Variants in GOLGA5 observed in about 807,000 individuals in gnomAD.
GOLGA5 encodes the protein golgin subfamily A member 5.
In GOLGA5, 50 loss-of-function variants were observed where a neutral mutation model predicts 93.5. The ratio of observed to expected loss-of-function variants is 0.53; its 90% CI spans 0.43 to 0.68. GOLGA5 has a LOEUF of 0.68. GOLGA5 is among the 30% of genes least tolerant of loss of function. The pLI is 0.00. For missense variants in GOLGA5, 760 were observed against 856.4 expected, an observed-to-expected ratio of 0.89 and a Z score of 1.40; for synonymous variants, 312 against 304.5, an observed-to-expected ratio of 1.02 and a Z score of -0.26.
chr14:92,803,114 C>T (rs1214492222), intron 2 of GOLGA5, among the ~76,000 whole-genome samples: 1 of 152,118 alleles, frequency 6.6e-6, no homozygotes, highest in Admixed American at 6.6e-5. Context: ...CAGCTCACTG[C>T]AGCCTCAATC....
At chr14:92,800,556 C>T (rs1387738082) in intron 2 of GOLGA5, among the ~76,000 whole-genome samples, 1 of 152,214 alleles carries the variant, frequency 6.6e-6, no homozygotes, top group African/African-American at 2.4e-5. Context: ...CCCATTACTT[C>T]TATAATCATT....
At chr14:92,798,907 C>T (rs1188453670) in intron 2 of GOLGA5, among the ~76,000 whole-genome samples, 5 of 152,134 alleles carry the variant, frequency 3.3e-5, no homozygotes, top group Admixed American at 6.5e-5. Context: ...TAGAATGAGA[C>T]GCTGTCTCCA....
rs1229828578 is a variant in GOLGA5, at chr14:92,811,885, T to C, written c.1320+131T>C. On this transcript the variant is annotated intron_variant, in intron 6 of 12. Coordinates refer to ENST00000163416, the MANE Select transcript of GOLGA5 (RefSeq NM_005113.4). ...GATTGGCTAGCTTTAGGTGCCTTACTCTACTTTAGAAATTTTATTAAAGGA... is the reference window on the plus strand; with the variant it reads ...GATTGGCTAGCTTTAGGTGCCTTACCCTACTTTAGAAATTTTATTAAAGGA... 5 of 671,684 alleles carry C rather than the reference T, an allele frequency of 7.4e-6. No individual in the cohort carries two copies. In the Admixed American group the frequency reaches 1.1e-4, roughly 15 times the overall value. 41.6% of individuals were successfully genotyped at this position (671,684 alleles called of 1,614,324 possible).
chr14:92,798,236 G>C (rs1164484358), intron 2 of GOLGA5, among the ~76,000 whole-genome samples: 1 of 152,128 alleles, frequency 6.6e-6, no homozygotes, highest in African/African-American at 2.4e-5. Flanking sequence ...TTTCAAATTT[G>C]TTTCTCTAAG....
chr14:92,794,372 C>G lies in GOLGA5; in HGVS notation c.-115C>G, dbSNP rs975691416. ...CGGGTCGGGGAGGAGGTTTACTCAG[C>G]TTGGGCCCCCTCCGGGCCAGCCGCC... On this transcript the variant is annotated 5_prime_UTR_variant, in exon 1 of 13. Transcript: ENST00000163416. 3.9e-5 allele frequency: 6 copies of G among 152,444 alleles called. No individual in the cohort carries two copies. The highest frequency in any genetic ancestry group is 2.1e-4 in the South Asian group (1 of 4,844). The allele number at this position is 152,444 out of a possible 1,614,324, so 9.4% of individuals were successfully genotyped here.
rs998379465 is a variant in GOLGA5, at chr14:92,800,042, C to T, written c.544+2061C>T. Among the ~76,000 whole-genome samples, 24 of 152,242 alleles carry T rather than the reference C, an allele frequency of 1.6e-4. No homozygotes were observed. In the East Asian group the frequency reaches 2.9e-3, roughly 18 times the overall value. On this transcript the variant is annotated intron_variant, in intron 2 of 12. Transcript: ENST00000163416. ...AGACAAAAACTTGTATAGAAGAAGA[C>T]GTTTTGGGTTGTGAAAATAGGATCA...
intron 8 of GOLGA5, 89 bp from the exon 9 acceptor site, chr14:92,824,457 C>T (rs1445269902): frequency 1.2e-5 from 8 of 677,438 alleles, no homozygotes; most frequent in African/African-American, 3.6e-5. Flanking sequence ...TACTGATTGT[C>T]TACCATGTGC....
chr14:92,833,232 A>G lies in GOLGA5; in HGVS notation c.1830A>G (p.Thr610=). 1 of 1,613,686 alleles carries G rather than the reference A, an allele frequency of 6.2e-7. No individual in the cohort carries two copies. Among genetic ancestry groups the G allele is most frequent in the Non-Finnish European group, 8.5e-7 (1 of 1,179,540 alleles). ...AGACCATGCTGGAGAGTCTCAGCAC[A>G]GAAAAGAACTCCCTGGTCTTTCAAC... ...QKQTMLESLS[T]EKNSLVFQLE... The change falls in exon 10 of 13, where the codon ACA becomes ACG. Residue 610 remains threonine (T), a synonymous_variant. Coordinates refer to ENST00000163416, the MANE Select transcript of GOLGA5 (RefSeq NM_005113.4).
At chr14:92,836,291 T>C (rs2140338611) in intron 11 of GOLGA5, among the ~76,000 whole-genome samples, 1 of 152,342 alleles carries the variant, frequency 6.6e-6, no homozygotes, top group South Asian at 2.1e-4. Flanking sequence ...TTTTAATGAA[T>C]TGTGGCATAA....
intron 2 of GOLGA5, among the ~76,000 whole-genome samples, chr14:92,800,492 A>G (rs1023410641): frequency 6.6e-6 from 1 of 152,244 alleles, no homozygotes; most frequent in South Asian, 2.1e-4. Flanking sequence ...GCTAGCAAAC[A>G]AAGTTGGGAC....
chr14:92,833,014 G>A (rs1885561455), intron 9 of GOLGA5, 108 bp from the exon 10 acceptor site: 6 of 712,680 alleles, frequency 8.4e-6, no homozygotes, highest in South Asian at 3.3e-5. Flanking sequence ...ATAGAGTTTT[G>A]AGAAATCAAT....
chr14:92,835,136 A>G (rs983432344), intron 10 of GOLGA5, among the ~76,000 whole-genome samples: 2 of 152,088 alleles, frequency 1.3e-5, no homozygotes, highest in East Asian at 1.9e-4. Context: ...TGCCCGTTAG[A>G]TATCTGGATG....
intron 6 of GOLGA5, among the ~76,000 whole-genome samples, chr14:92,815,697 A>ATTTT (rs1402012266): frequency 7.6e-6 from 1 of 132,312 alleles, no homozygotes; most frequent in South Asian, 2.4e-4. Context: ...ATTTTTTTTA[A>ATTTT]TCTTTTTTTT....
intron 9 of GOLGA5, among the ~76,000 whole-genome samples, chr14:92,825,198 G>A (rs1036335774): frequency 6.6e-6 from 1 of 151,958 alleles, no homozygotes; most frequent in African/African-American, 2.4e-5. Flanking sequence ...TTGATTTAAT[G>A]GACTTAATAA....
chr14:92,819,596 G>A, intron 7 of GOLGA5, 112 bp from the exon 8 acceptor site: 1 of 941,306 alleles, frequency 1.1e-6, no homozygotes, highest in Admixed American at 2.1e-5. Context: ...TTGTGCCACT[G>A]CACTCCAGCC....
At position 92,809,531 on chromosome 14, in the gene GOLGA5, T is replaced by A; in HGVS notation, c.992+12T>A. 1 of 1,532,640 alleles carries A rather than the reference T, an allele frequency of 6.5e-7. No individual in the cohort carries two copies. Among genetic ancestry groups the A allele is most frequent in the Admixed American group, 1.7e-5 (1 of 59,254 alleles). The allele number at this position is 1,532,640 out of a possible 1,614,324, so 94.9% of individuals were successfully genotyped here. ...AGTGAAAAATCACGGTAGGTGATTC[T>A]ATGAATAATGAAAAAAATGAGCAAG... On this transcript the variant is annotated intron_variant, in intron 4 of 12. Coordinates refer to ENST00000163416, the MANE Select transcript of GOLGA5 (RefSeq NM_005113.4).
Position 92,812,835 on chromosome 14 carries a change from T to G in GOLGA5, c.1320+1081T>G, listed in dbSNP as rs933960955. ...AAAGAGTCAGAGTCCTCCTAAGCTC[T>G]GTCCTGAACCCTCTTTCATTGTCCT... On this transcript the variant is annotated intron_variant, in intron 6 of 12. Coordinates refer to ENST00000163416, the MANE Select transcript of GOLGA5 (RefSeq NM_005113.4). Among the ~76,000 whole-genome samples the G allele has an allele frequency of 2.0e-5, 3 of 152,324 alleles. No homozygotes were observed. In the East Asian group the frequency reaches 5.8e-4, roughly 29 times the overall value.
rs761442474 is a variant in GOLGA5 at position 92,797,611 on chromosome 14, T to G, written c.174T>G (p.Pro58=). The G allele has an allele frequency of 6.2e-7, 1 of 1,613,250 alleles. No individual in the cohort carries two copies. Among genetic ancestry groups the G allele is most frequent in the East Asian group, 2.2e-5 (1 of 44,884 alleles). Reference sequence around the variant, plus strand: ...CAGATTTGATATATCAGACTGGACCTAAATCTACGTATATTTCATCAGCAG... The same window carrying G: ...CAGATTTGATATATCAGACTGGACCGAAATCTACGTATATTTCATCAGCAG... ...QNTDLIYQTG[P]KSTYISSAAD... is the part of the protein sequence containing the mutation. Residue 58 remains proline, a synonymous_variant, in exon 2 of 13, where the codon CCT becomes CCG. Transcript: ENST00000163416.
At chr14:92,813,741 GCCTGGTA>G (rs1484968013) in intron 6 of GOLGA5, among the ~76,000 whole-genome samples, 1 of 152,188 alleles carries the variant, frequency 6.6e-6, no homozygotes, top group African/African-American at 2.4e-5. Flanking sequence ...CCAGCACAGT[GCCTGGTA>G]TTCGGTACAT....
Sources: allele counts gnomAD v4.1 joint callset (sites outside exome capture counted in the v4.1 genomes callset), GRCh38; gene constraint gnomAD v4.1.1; transcripts MANE v1.5; gene names NCBI Gene and HGNC (gene_info 2026-07-23, HGNC 2026-07-21).